The following RFPL4A variants were observed in gnomAD, a reference collection of about 807,000 sequenced individuals.
RFPL4A encodes the protein ret finger protein-like 4A.
Under a neutral mutation model 8.3 loss-of-function variants are expected in RFPL4A, and 4 were observed. That is an observed-to-expected ratio of 0.48 (90% confidence interval 0.24 to 1.10). The LOEUF is 1.10. RFPL4A is among the 50% of genes least tolerant of loss of function. The pLI, the probability that RFPL4A is intolerant of heterozygous loss-of-function variation, is 0.18. For synonymous variants in RFPL4A, 43 were observed against 136.6 expected (o/e 0.31, Z 4.78); for missense variants, 111 against 358.7 (o/e 0.31, Z 5.58).
chr19:55,758,234 G>C (rs1327064497), upstream of RFPL4A, among the ~76,000 whole-genome samples: 2 of 152,290 alleles, frequency 1.3e-5, no homozygotes, highest in African/African-American at 4.8e-5. Context: ...TGAGACAAAA[G>C]GAATTGAGAA....
At chr19:55,760,475 G>C (rs983879979) in intron 1 of RFPL4A, among the ~76,000 whole-genome samples, 2 of 151,552 alleles carry the variant, frequency 1.3e-5, no homozygotes, top group Non-Finnish European at 2.9e-5. Context: ...GATGGCCTTC[G>C]GGGTTTCTAT....
upstream of RFPL4A, chr19:55,758,994 A>G (rs1363053535): frequency 1.3e-5 from 2 of 149,232 alleles, no homozygotes; most frequent in East Asian, 3.9e-4. Context: ...TCCAATAGTA[A>G]CAATCTCAAT....
chr19:55,759,547 T>A (rs534306453), intron 1 of RFPL4A, among the ~76,000 whole-genome samples: 1 of 129,986 alleles, frequency 7.7e-6, no homozygotes, highest in Non-Finnish European at 1.5e-5. Flanking sequence ...TATTTTCTGA[T>A]TTTTTTTTTG....
At chr19:55,759,220 G>C (rs1181277744) in intron 1 of RFPL4A, 45 bp downstream of exon 1, 1 of 152,310 alleles carries the variant, frequency 6.6e-6, no homozygotes, top group African/African-American at 2.4e-5. Flanking sequence ...AGGCGTATGA[G>C]AGTCTAGGGG....
intron 1 of RFPL4A, among the ~76,000 whole-genome samples, chr19:55,761,085 C>CGGT (rs1568614751): frequency 9.5e-5 from 9 of 94,590 alleles, no homozygotes; most frequent in Non-Finnish European, 1.5e-4. Flanking sequence ...CTGGTTTTTC[C>CGGT]TTTTTTTTTT....
In RFPL4A at chr19:55,761,256, A is replaced by G. The variant is rs370323647; in HGVS notation, c.-9-536A>G. On this transcript the variant is annotated intron_variant, in intron 1 of 2. Transcript: ENST00000434937. Reference sequence around the variant, plus strand: ...GACTCCAGCACTGTCCAATAGAAACATAAGATAACCCATATATGTAATGGT... The same window carrying G: ...GACTCCAGCACTGTCCAATAGAAACGTAAGATAACCCATATATGTAATGGT... Among the ~76,000 whole-genome samples the G allele has an allele frequency of 6.6e-5, 8 of 121,670 alleles. 1 individual carries two copies. 79.8% of individuals were successfully genotyped at this position (121,670 alleles called of 152,430 possible).
At position 55,762,961 on chromosome 19, in the gene RFPL4A, G is replaced by A. The variant is rs1479725420; in HGVS notation, c.650G>A (p.Gly217Glu). The A allele has an allele frequency of 3.2e-6, 5 of 1,551,954 alleles. No individual in the cohort carries two copies. Among genetic ancestry groups the A allele is most frequent in the African/African-American group, 1.4e-5 (1 of 72,998 alleles). ...LWVSPQLHRV[G>E]IFLDVGMRSI... Reference sequence around the variant, plus strand: ...GTGAGTCCCCAGTTGCACAGAGTGGGGATTTTCCTGGATGTAGGTATGAGG... The same window carrying A: ...GTGAGTCCCCAGTTGCACAGAGTGGAGATTTTCCTGGATGTAGGTATGAGG... Residue 217 changes from glycine (G) to glutamate (E), a missense_variant, in exon 3 of 3, where the codon GGG (glycine) becomes GAG (glutamate). Transcript: ENST00000434937.
In RFPL4A at chr19:55,759,330, A is replaced by G. The variant is rs2868056; in HGVS notation, c.-10+155A>G. Among the ~76,000 whole-genome samples, 212 of 152,162 alleles carry G rather than the reference A, an allele frequency of 1.4e-3. 7 individuals carry two copies. The highest frequency in any genetic ancestry group is 4.4e-3 in the African/African-American group (181 of 41,446). On this transcript the variant is annotated intron_variant, in intron 1 of 2. Coordinates refer to ENST00000434937, the MANE Select transcript of RFPL4A (RefSeq NM_001145014.2). The stretch of plus-strand genomic sequence containing the variant: ...ATAAGGGGACCTCTTCCCTGGTAAC[A>G]GTTAGGTAAGTCTTAGATTTTCAAT...
rs1212574701 is a variant in RFPL4A, at chr19:55,762,010, G to A, written c.210G>A (p.Leu70=). 6.0e-6 allele frequency: 9 copies of A among 1,511,040 alleles called. No individual in the cohort carries two copies. Among genetic ancestry groups the A allele is most frequent in the Non-Finnish European group, 9.0e-7 (1 of 1,116,494 alleles). The allele number at this position is 1,511,040 out of a possible 1,614,324, so 93.6% of individuals were successfully genotyped here. ...AGCCCAAGTACAAGCTGAGGGCGCTGGTTTCCATCATCAAGGAACTAGAGC... is the reference window on the plus strand; with the variant it reads ...AGCCCAAGTACAAGCTGAGGGCGCTAGTTTCCATCATCAAGGAACTAGAGC... ...DIKPKYKLRA[L]VSIIKELEPK... is the part of the protein sequence containing the mutation. The change falls in exon 2 of 3, where the codon CTG becomes CTA. Residue 70 remains leucine (L), a synonymous_variant. Coordinates refer to ENST00000434937, the MANE Select transcript of RFPL4A (RefSeq NM_001145014.2).
At chr19:55,760,763 A>T (rs568302784) in intron 1 of RFPL4A, among the ~76,000 whole-genome samples, 1 of 151,684 alleles carries the variant, frequency 6.6e-6, no homozygotes, top group African/African-American at 2.4e-5. Context: ...GGCTAATTTT[A>T]ACAGCCACTG....
At position 55,762,075 on chromosome 19, in the gene RFPL4A, G is replaced by A; in HGVS notation, c.275G>A (p.Arg92Lys). The change falls in exon 2 of 3, where the codon AGG becomes AAG. Residue 92 changes from arginine (R) to lysine (K), a missense_variant. Transcript: ENST00000434937. The stretch of plus-strand genomic sequence containing the variant: ...GTTCTAACAATGAACCCAAGGATGA[G>A]GAAGTTTCAAGGTAAGGAATCTATA... ...KSVLTMNPRM[R>K]KFQVDMTFDV... The A allele has an allele frequency of 6.8e-7, 1 of 1,479,728 alleles. No homozygotes were observed. Among genetic ancestry groups the A allele is most frequent in the South Asian group, 1.3e-5 (1 of 77,378 alleles). 91.7% of individuals were successfully genotyped at this position (1,479,728 alleles called of 1,614,324 possible). A position where few individuals can be genotyped will look rare whatever the true frequency, so the allele number is the denominator to read the frequency against.
At chr19:55,760,769 C>T (rs1477255469) in intron 1 of RFPL4A, among the ~76,000 whole-genome samples, 1 of 151,546 alleles carries the variant, frequency 6.6e-6, no homozygotes, top group East Asian at 2.0e-4. Context: ...TTTTAACAGC[C>T]ACTGTTTTGG....
In RFPL4A at chr19:55,762,823, CTG is replaced by C. The variant is rs1989317821; in HGVS notation, c.515_516del (p.Val172GlufsTer61). ...TGGGATGTGGGCGTGTGCAAGGAAT[CTG>C]TGAACCGACAGGGGAAGATTGTGCT... is the stretch of plus-strand genomic sequence containing the variant. On this transcript the variant is annotated frameshift_variant, in exon 3 of 3. Transcript: ENST00000434937. LOFTEE classifies it low-confidence loss of function (END_TRUNC). The C allele has an allele frequency of 7.0e-7, 1 of 1,438,702 alleles. No homozygotes were observed. The highest frequency in any genetic ancestry group is 9.5e-7 in the Non-Finnish European group (1 of 1,049,642). The allele number at this position is 1,438,702 out of a possible 1,614,324, so 89.1% of individuals were successfully genotyped here. A position where few individuals can be genotyped will look rare whatever the true frequency, so the allele number is the denominator to read the frequency against.
At chr19:55,759,062 A>G (rs1419628190), upstream of RFPL4A, 1 of 143,054 alleles carries the variant, frequency 7.0e-6, no homozygotes, top group Non-Finnish European at 1.6e-5. Flanking sequence ...GGGTGTGGCT[A>G]AGGTGGGTGG....
chr19:55,758,714 A>G (rs1349311841), upstream of RFPL4A, among the ~76,000 whole-genome samples: 2 of 151,356 alleles, frequency 1.3e-5, no homozygotes, highest in Non-Finnish European at 2.9e-5. Context: ...ACTTCTGAGT[A>G]GGTTTAAGTC....
chr19:55,760,622 A>G (rs191637989), intron 1 of RFPL4A, among the ~76,000 whole-genome samples: 18 of 151,306 alleles, frequency 1.2e-4, no homozygotes, highest in South Asian at 2.1e-4. Flanking sequence ...ACACTGCAGA[A>G]TGTGTGATTT....
At position 55,760,975 on chromosome 19, in the gene RFPL4A, C is replaced by CT. The variant is rs990709895; in HGVS notation, c.-9-809dup. 8.9e-5 allele frequency among the ~76,000 whole-genome samples: 13 copies of CT among 146,566 alleles called. No homozygotes were observed. In the South Asian group the frequency reaches 1.3e-3, roughly 15 times the overall value. Reference sequence around the variant, plus strand: ...CCCATTGGAATTTGGATTATTTTGGCTTTTTTTTCTTTTTGCTACAGCCTT... The same window carrying CT: ...CCCATTGGAATTTGGATTATTTTGGCTTTTTTTTTCTTTTTGCTACAGCCTT... On this transcript the variant is annotated intron_variant, in intron 1 of 2. Coordinates refer to ENST00000434937, the MANE Select transcript of RFPL4A (RefSeq NM_001145014.2).
At chr19:55,758,576 C>A (rs1989219695), upstream of RFPL4A, among the ~76,000 whole-genome samples, 1 of 151,406 alleles carries the variant, frequency 6.6e-6, no homozygotes, top group Non-Finnish European at 1.5e-5. Flanking sequence ...CGGACTTTCA[C>A]TGGCTGACTG....
chr19:55,761,669 A>G, intron 1 of RFPL4A, 123 bp from the exon 2 acceptor site: 2 of 1,410,472 alleles, frequency 1.4e-6, no homozygotes, highest in Non-Finnish European at 1.9e-6. Flanking sequence ...CGTCACTAGC[A>G]GTAGTGATTT....
Sources: allele counts gnomAD v4.1 joint callset (sites outside exome capture counted in the v4.1 genomes callset), GRCh38; gene constraint gnomAD v4.1.1; transcripts MANE v1.5; gene names NCBI Gene and HGNC (gene_info 2026-07-23, HGNC 2026-07-21).